FNBP1: variants seen among roughly 807,000 people sequenced by gnomAD.
FNBP1 encodes the protein formin-binding protein 1.
Under a neutral mutation model 90.6 loss-of-function variants are expected in FNBP1, and 26 were observed. That is an observed-to-expected ratio of 0.29 (90% CI 0.21 to 0.40). The LOEUF is 0.40. Among genes scored for constraint, FNBP1 ranks in the 10% least tolerant of loss-of-function variants. The pLI, the probability that FNBP1 is intolerant of heterozygous loss-of-function variation, is 1.00. For missense variants in FNBP1, 635 were observed against 768.0 expected (o/e 0.83, Z 2.05); for synonymous variants, 260 against 265.2 (o/e 0.98, Z 0.19).
chr9:130,045,361 C>T (rs956604954), upstream of FNBP1, among the ~76,000 whole-genome samples: 3 of 152,158 alleles, frequency 2.0e-5, no homozygotes, highest in Non-Finnish European at 4.4e-5. Flanking sequence ...GACATTGCCT[C>T]AGTAATCACC....
chr9:129,964,194 T>G (rs1289630419), intron 4 of FNBP1, among the ~76,000 whole-genome samples: 4 of 152,344 alleles, frequency 2.6e-5, no homozygotes, highest in East Asian at 1.9e-4. Context: ...ATTTCTTTTC[T>G]GGACAGTGAG....
intron 6 of FNBP1, among the ~76,000 whole-genome samples, chr9:129,944,606 G>A (rs553915506): frequency 6.6e-6 from 1 of 151,570 alleles, no homozygotes; most frequent in South Asian, 2.1e-4. Context: ...AATAATGCAA[G>A]GAGAAGGATA....
At chr9:130,015,632 A>G (rs2131782560) in intron 1 of FNBP1, among the ~76,000 whole-genome samples, 1 of 152,054 alleles carries the variant, frequency 6.6e-6, no homozygotes, top group African/African-American at 2.4e-5. Flanking sequence ...CAAAAAAACT[A>G]CCTTATTTGG....
At position 129,937,777 on chromosome 9, in the gene FNBP1, A is replaced by C. The variant is rs555945715; in HGVS notation, c.514-8082T>G. On this transcript the variant is annotated intron_variant, in intron 6 of 16. Transcript: ENST00000446176. The stretch of plus-strand genomic sequence containing the variant: ...AGTTTATCAGAGTTTGCCTTTGACA[A>C]ATTTATAAGGGCAGCTAAAACACAA... 3.9e-5 allele frequency among the ~76,000 whole-genome samples: 6 copies of C among 152,286 alleles called. No individual in the cohort carries two copies. The East Asian group carries it at 5.8e-4, about 15-fold the overall frequency.
At chr9:129,944,901 C>T (rs1340971352) in intron 6 of FNBP1, among the ~76,000 whole-genome samples, 5 of 152,104 alleles carry the variant, frequency 3.3e-5, no homozygotes, top group Admixed American at 3.3e-4. Flanking sequence ...ATTAAAATAC[C>T]TTATTAAATG....
chr9:130,007,515 T>A (rs2055935554), intron 1 of FNBP1, among the ~76,000 whole-genome samples: 1 of 152,004 alleles, frequency 6.6e-6, no homozygotes, highest in Admixed American at 6.6e-5. Context: ...TGTGCTAGAG[T>A]CTGAGCAGAT....
chr9:129,939,223 T>C (rs2043957632), intron 6 of FNBP1, among the ~76,000 whole-genome samples: 1 of 151,838 alleles, frequency 6.6e-6, no homozygotes, highest in Admixed American at 6.6e-5. Context: ...ACCCCGTCTC[T>C]ACTAAAAATA....
chr9:130,026,691 G>A (rs1193141857), intron 1 of FNBP1, among the ~76,000 whole-genome samples: 2 of 151,908 alleles, frequency 1.3e-5, no homozygotes, highest in South Asian at 2.1e-4. Flanking sequence ...AGTGGCTCAC[G>A]CTTCTAATCT....
intron 2 of FNBP1, 114 bp downstream of exon 2, chr9:129,994,729 C>A: frequency 2.2e-6 from 1 of 447,400 alleles, no homozygotes; most frequent in Non-Finnish European, 3.9e-6. Context: ...TGAAATATTA[C>A]CTTACATAAA....
intron 6 of FNBP1, among the ~76,000 whole-genome samples, chr9:129,944,893 T>G (rs563077263): frequency 1.3e-5 from 2 of 152,302 alleles, no homozygotes; most frequent in Admixed American, 1.3e-4. Flanking sequence ...CATTGAAAAT[T>G]AAAATACCTT....
intron 6 of FNBP1, among the ~76,000 whole-genome samples, chr9:129,952,106 G>C (rs951922224): frequency 6.6e-6 from 1 of 151,828 alleles, no homozygotes; most frequent in African/African-American, 2.4e-5. Flanking sequence ...GCATGAGAAC[G>C]GTTTGAACCC....
At chr9:129,907,348 GCAGA>G (rs2038293706) in intron 12 of FNBP1, among the ~76,000 whole-genome samples, 1 of 151,912 alleles carries the variant, frequency 6.6e-6, no homozygotes, top group Non-Finnish European at 1.5e-5. Context: ...ATTTTATTTC[GCAGA>G]CACTTATGTG....
At chr9:130,045,366 A>G (rs1424557575), upstream of FNBP1, among the ~76,000 whole-genome samples, 2 of 152,212 alleles carry the variant, frequency 1.3e-5, no homozygotes, top group African/African-American at 2.4e-5. Flanking sequence ...TGCCTCAGTA[A>G]TCACCTTCCT....
intron 2 of FNBP1, among the ~76,000 whole-genome samples, chr9:129,983,710 G>A (rs905274666): frequency 2.0e-5 from 3 of 151,914 alleles, no homozygotes; most frequent in African/African-American, 7.3e-5. Flanking sequence ...ACTTGGGAGG[G>A]TGAGGCAGGA....
In FNBP1 at chr9:129,999,580, C is replaced by A. The variant is rs57447565; in HGVS notation, c.25-4622G>T. ...ACCACTGCACTCCAGCCTGGGGCGACAGAGTGAGACTCTGTCTCAAAAAAA... is the reference window on the plus strand; with the variant it reads ...ACCACTGCACTCCAGCCTGGGGCGAAAGAGTGAGACTCTGTCTCAAAAAAA... On this transcript the variant is annotated intron_variant, in intron 1 of 16. Coordinates refer to ENST00000446176, the MANE Select transcript of FNBP1 (RefSeq NM_015033.3). 8.1e-3 allele frequency among the ~76,000 whole-genome samples: 1,217 copies of A among 149,874 alleles called. 16 individuals are homozygous for A. The highest frequency in any genetic ancestry group is 0.029 in the African/African-American group (1,162 of 40,566).
intron 6 of FNBP1, among the ~76,000 whole-genome samples, chr9:129,934,860 A>G (rs1009590106): frequency 2.0e-5 from 3 of 151,816 alleles, no homozygotes; most frequent in African/African-American, 7.3e-5. Flanking sequence ...GGGATTACAG[A>G]TGTGAGCCAC....
chr9:129,965,791 AGGGAGGG>A (rs2048511356), intron 4 of FNBP1, among the ~76,000 whole-genome samples: 27 of 133,360 alleles, frequency 2.0e-4, no homozygotes, highest in African/African-American at 7.3e-4. Flanking sequence ...GGAAGGAGGG[AGGGAGGG>A]GGGAAGGAGG....
chr9:130,021,734 C>T (rs1000554251), intron 1 of FNBP1, among the ~76,000 whole-genome samples: 3 of 152,064 alleles, frequency 2.0e-5, no homozygotes, highest in African/African-American at 7.2e-5. Flanking sequence ...TTATAGATCC[C>T]GCTGAACCGT....
Position 129,895,931 on chromosome 9 carries a change from C to CT in FNBP1, c.1752dup (p.Gly585ArgfsTer11), listed in dbSNP as rs2035643421. On this transcript the variant is annotated frameshift_variant, in exon 16 of 17. Transcript: ENST00000446176. LOFTEE classifies it high-confidence loss of function. ...CTCCGAATGCGGGTCCAGCCATCGC[C>CT]TTTGTCTTCCTCTATGACATACAAT... 1 of 1,613,650 alleles carries CT rather than the reference C, an allele frequency of 6.2e-7. No homozygotes were observed. The highest frequency in any genetic ancestry group is 8.5e-7 in the Non-Finnish European group (1 of 1,179,836).
Sources: gnomAD v4.1 joint callset for allele counts (sites outside exome capture counted in the v4.1 genomes callset) on GRCh38, gnomAD v4.1.1 for gene constraint, MANE v1.5 for transcripts, NCBI Gene and HGNC (gene_info 2026-07-23, HGNC 2026-07-21) for gene names.